The following FBXL7 variants were observed in gnomAD, a reference collection of about 807,000 sequenced individuals.
The protein encoded by FBXL7 is F-box and leucine rich repeat protein 7.
In FBXL7, 12 loss-of-function variants were observed where a neutral mutation model predicts 38.3. The ratio of observed to expected loss-of-function variants is 0.31; its 90% CI spans 0.20 to 0.51. The LOEUF (loss-of-function observed/expected upper bound fraction) is 0.51. Ranked by LOEUF, FBXL7 falls within the 20% of genes least tolerant of loss-of-function variation. The pLI is 0.98. For missense variants in FBXL7, 567 were observed against 676.4 expected (o/e 0.84, Z 1.79); for synonymous variants, 297 against 300.9 (o/e 0.99, Z 0.13).
intron 2 of FBXL7, among the ~76,000 whole-genome samples, chr5:15,782,646 T>G (rs1216900165): frequency 2.6e-5 from 4 of 152,088 alleles, no homozygotes; most frequent in Non-Finnish European, 5.9e-5. Flanking sequence ...TGTTTCTTGG[T>G]GACAGGAAGG....
At chr5:15,753,203 G>A (rs1312968764) in intron 2 of FBXL7, among the ~76,000 whole-genome samples, 2 of 152,102 alleles carry the variant, frequency 1.3e-5, no homozygotes, top group Non-Finnish European at 2.9e-5. Context: ...TATAGTGCTT[G>A]TGACTGATGA....
rs147435393 is a variant in FBXL7 at position 15,729,270 on chromosome 5, G to T, written c.127+113198G>T. ...GTGTCAGTTTCTGAAAGTTTATTTT[G>T]CAGTTTCTGAATTGATTGTTCTGGA... On this transcript the variant is annotated intron_variant, in intron 2 of 3. Coordinates refer to ENST00000504595, the MANE Select transcript of FBXL7 (RefSeq NM_012304.5). Among the ~76,000 whole-genome samples the T allele has an allele frequency of 1.6e-4, 25 of 152,198 alleles. No homozygotes were observed. In the East Asian group the frequency reaches 4.6e-3, roughly 28 times the overall value.
chr5:15,794,209 C>T (rs923696881), intron 2 of FBXL7, among the ~76,000 whole-genome samples: 2 of 152,178 alleles, frequency 1.3e-5, no homozygotes, highest in African/African-American at 4.8e-5. Context: ...TACTTGTACT[C>T]CAGAATGCCT....
At chr5:15,882,261 C>T (rs1377507502) in intron 2 of FBXL7, among the ~76,000 whole-genome samples, 2 of 152,154 alleles carry the variant, frequency 1.3e-5, no homozygotes, top group South Asian at 2.1e-4. Context: ...TCTGAGTAGG[C>T]TTCTGTGACT....
intron 2 of FBXL7, among the ~76,000 whole-genome samples, chr5:15,748,018 C>T (rs1301408974): frequency 6.6e-6 from 1 of 152,024 alleles, no homozygotes; most frequent in Non-Finnish European, 1.5e-5. Context: ...CAGTGGTTCT[C>T]AATCAGGAGT....
intron 1 of FBXL7, chr5:15,501,495 A>G (rs1736484584): frequency 1.0e-6 from 1 of 985,446 alleles, no homozygotes; most frequent in South Asian, 4.7e-5. Context: ...CATAAGGCAA[A>G]GGCATTTTTC....
At chr5:15,912,320 G>A (rs1275316989) in intron 2 of FBXL7, among the ~76,000 whole-genome samples, 4 of 126,302 alleles carry the variant, frequency 3.2e-5, no homozygotes, top group South Asian at 2.9e-4. Flanking sequence ...TCTTTGACTC[G>A]GAAAGGGAAC....
At chr5:15,836,924 C>CT (rs1738607440) in intron 2 of FBXL7, among the ~76,000 whole-genome samples, 1 of 152,188 alleles carries the variant, frequency 6.6e-6, no homozygotes, top group Non-Finnish European at 1.5e-5. Context: ...CAAGACCCCT[C>CT]TTGTTAGCTG....
chr5:15,702,408 A>G lies in FBXL7; in HGVS notation c.127+86336A>G, dbSNP rs180963683. 2.1e-3 allele frequency among the ~76,000 whole-genome samples: 318 copies of G among 152,284 alleles called. 3 individuals carry two copies. Among genetic ancestry groups the G allele is most frequent in the African/African-American group, 7.1e-3 (295 of 41,574 alleles). On this transcript the variant is annotated intron_variant, in intron 2 of 3. Coordinates refer to ENST00000504595, the MANE Select transcript of FBXL7 (RefSeq NM_012304.5). ...AAAATGGCGGCATTGAAAGACAACA[A>G]AGTTCTCACACAAACATAATGGAGC...
chr5:15,567,730 A>C (rs1207189799), intron 1 of FBXL7, among the ~76,000 whole-genome samples: 1 of 151,916 alleles, frequency 6.6e-6, no homozygotes, highest in Non-Finnish European at 1.5e-5. Flanking sequence ...ATATCTCCTA[A>C]TGCTATCCCT....
At chr5:15,703,531 GCATGCATAAAA>G (rs1174410677) in intron 2 of FBXL7, among the ~76,000 whole-genome samples, 2 of 152,108 alleles carry the variant, frequency 1.3e-5, no homozygotes, top group Non-Finnish European at 2.9e-5. Context: ...CACTTTTTGT[GCATGCATAAAA>G]CAACTTGGAT....
intron 1 of FBXL7, among the ~76,000 whole-genome samples, chr5:15,526,784 T>G (rs903566927): frequency 1.0e-4 from 15 of 150,674 alleles, no homozygotes; most frequent in African/African-American, 3.7e-4. Flanking sequence ...AATTAAGGGG[T>G]CTAAAAGTTT....
chr5:15,532,981 A>G (rs1267781091), intron 1 of FBXL7, among the ~76,000 whole-genome samples: 1 of 152,172 alleles, frequency 6.6e-6, no homozygotes, highest in African/African-American at 2.4e-5. Flanking sequence ...GTTGCCAGCT[A>G]CTGAGAGAGG....
chr5:15,716,258 T>C (rs1481102912), intron 2 of FBXL7, among the ~76,000 whole-genome samples: 2 of 152,166 alleles, frequency 1.3e-5, no homozygotes, highest in Non-Finnish European at 2.9e-5. Context: ...ACAATGTGAT[T>C]TTTAGCCAAA....
intron 2 of FBXL7, among the ~76,000 whole-genome samples, chr5:15,644,369 G>A (rs1461900492): frequency 6.6e-6 from 1 of 151,012 alleles, no homozygotes; most frequent in Non-Finnish European, 1.5e-5. Flanking sequence ...CAGCTACTCA[G>A]GAGGCTGAGG....
Position 15,608,348 on chromosome 5 carries a change from G to A in FBXL7, c.38-7635G>A, listed in dbSNP as rs550119949. ...GAGCTAATGGCTGTCTTTTGTTTGC[G>A]TGTGCATATCTTTATTTTATGGTTG... On this transcript the variant is annotated intron_variant, in intron 1 of 3. Transcript: ENST00000504595. Among the ~76,000 whole-genome samples the A allele has an allele frequency of 5.9e-5, 9 of 152,106 alleles. No individual in the cohort carries two copies. The East Asian group carries it at 1.4e-3, about 23-fold the overall frequency.
chr5:15,702,398 A>C (rs1743554208), intron 2 of FBXL7, among the ~76,000 whole-genome samples: 1 of 152,188 alleles, frequency 6.6e-6, no homozygotes. Context: ...GGCGGCATTG[A>C]AAGACAACAA....
intron 2 of FBXL7, among the ~76,000 whole-genome samples, chr5:15,770,269 T>C (rs1386719038): frequency 6.6e-6 from 1 of 152,204 alleles, no homozygotes; most frequent in Non-Finnish European, 1.5e-5. Flanking sequence ...GCCTGGGTGA[T>C]GGATCATCCT....
At chr5:15,898,413 G>A (rs1013731409) in intron 2 of FBXL7, among the ~76,000 whole-genome samples, 1 of 152,168 alleles carries the variant, frequency 6.6e-6, no homozygotes, top group Non-Finnish European at 1.5e-5. Context: ...AGCCAACCAC[G>A]AGACTGATTG....
Sources: gnomAD v4.1 joint callset for allele counts (sites outside exome capture counted in the v4.1 genomes callset) on GRCh38, gnomAD v4.1.1 for gene constraint, MANE v1.5 for transcripts, NCBI Gene and HGNC (gene_info 2026-07-23, HGNC 2026-07-21) for gene names.